Variants in NTM observed in about 807,000 individuals in gnomAD.
NTM encodes neurotrimin.
In NTM, 13 loss-of-function variants were observed where a neutral mutation model predicts 42.1. The observed-to-expected ratio is 0.31, with a 90% confidence interval of 0.20 to 0.49. The LOEUF is 0.49. NTM is among the 20% of genes least tolerant of loss of function. The pLI, the probability that NTM is intolerant of heterozygous loss-of-function variation, is 0.99. For synonymous variants in NTM, 187 were observed against 179.2 expected (o/e 1.04, Z -0.35); for missense variants, 373 against 452.8 (o/e 0.82, Z 1.60).
At chr11:131,902,049 T>G (rs549344850) in intron 1 of NTM, among the ~76,000 whole-genome samples, 2 of 152,304 alleles carry the variant, frequency 1.3e-5, no homozygotes, top group Admixed American at 1.3e-4. Flanking sequence ...ATTACTTTAT[T>G]TAGAAAGGCC....
chr11:131,424,586 A>ATTTCT lies in NTM; in HGVS notation c.82+53712_82+53716dup, dbSNP rs1180335292. ...GTTTGCAATTGCTTAGTTGTTTTTT[A>ATTTCT]TTTCTTTTCTTTTCTTTTTTTTTTT... On this transcript the variant is annotated intron_variant, in intron 1 of 8. Transcript: ENST00000683400. Among the ~76,000 whole-genome samples, 744 of 86,150 alleles carry ATTTCT rather than the reference A, an allele frequency of 8.6e-3. 7 individuals are homozygous for ATTTCT. Among genetic ancestry groups the ATTTCT allele is most frequent in the Middle Eastern group, 0.017 (3 of 176 alleles). The allele number at this position is 86,150 out of a possible 152,430, so 56.5% of individuals were successfully genotyped here.
chr11:132,305,076 T>A (rs567484259), intron 4 of NTM, among the ~76,000 whole-genome samples: 1 of 152,172 alleles, frequency 6.6e-6, no homozygotes. Context: ...CACAGAAAAC[T>A]GATGAGTTCT....
intron 2 of NTM, among the ~76,000 whole-genome samples, chr11:131,923,055 C>T (rs1255526813): frequency 7.2e-6 from 1 of 138,420 alleles, no homozygotes; most frequent in Non-Finnish European, 1.6e-5. Flanking sequence ...ACTCCAGTAC[C>T]CCGTTTAAAA....
chr11:132,265,184 T>C (rs1267013488), intron 4 of NTM, among the ~76,000 whole-genome samples: 1 of 152,166 alleles, frequency 6.6e-6, no homozygotes, highest in African/African-American at 2.4e-5. Context: ...TCTTAATTTG[T>C]ATGGTGGTTC....
In NTM at chr11:132,086,323, C is replaced by CAAAA. The variant is rs71067358; in HGVS notation, c.168-59944_168-59941dup. Reference sequence around the variant, plus strand: ...TGGATGACAGAGCAAGACTCCATGTCAAAAAAAAAAAAAAAAAATAGTGGC... The same window carrying CAAAA: ...TGGATGACAGAGCAAGACTCCATGTCAAAAAAAAAAAAAAAAAAAAAATAGTGGC... On this transcript the variant is annotated intron_variant, in intron 2 of 8. Coordinates refer to ENST00000683400, the MANE Select transcript of NTM (RefSeq NM_001352005.2). 1.2e-3 allele frequency among the ~76,000 whole-genome samples: 123 copies of CAAAA among 98,966 alleles called. 3 individuals are homozygous for CAAAA. The highest frequency in any genetic ancestry group is 3.2e-3 in the African/African-American group (88 of 27,564). 64.9% of individuals were successfully genotyped at this position (98,966 alleles called of 152,430 possible).
chr11:132,312,840 T>C (rs1162490264), intron 6 of NTM: 1 of 154,222 alleles, frequency 6.5e-6, no homozygotes. Context: ...AAGCTGGAAA[T>C]GTAAAAGTGG....
chr11:131,384,717 G>T (rs918078277), intron 1 of NTM, among the ~76,000 whole-genome samples: 7 of 152,248 alleles, frequency 4.6e-5, no homozygotes, highest in Non-Finnish European at 1.0e-4. Context: ...AAGAAGTCTT[G>T]AAAAGAAGAA....
At chr11:131,855,207 C>T (rs543823032) in intron 1 of NTM, among the ~76,000 whole-genome samples, 4 of 152,080 alleles carry the variant, frequency 2.6e-5, no homozygotes, top group South Asian at 2.1e-4. Context: ...GCAGGTAGTA[C>T]GTACAAGAAA....
intron 1 of NTM, among the ~76,000 whole-genome samples, chr11:131,853,088 T>C (rs2045751819): frequency 1.3e-5 from 2 of 149,652 alleles, no homozygotes; most frequent in Admixed American, 1.3e-4. Flanking sequence ...AGGAAGAGAG[T>C]CAATCTACAA....
chr11:131,913,959 C>A (rs2055788361), intron 2 of NTM, among the ~76,000 whole-genome samples: 1 of 152,140 alleles, frequency 6.6e-6, no homozygotes, highest in African/African-American at 2.4e-5. Context: ...GTGTAACAAG[C>A]AACCAGTATG....
chr11:131,756,348 C>T (rs912823667), intron 1 of NTM, among the ~76,000 whole-genome samples: 16 of 152,018 alleles, frequency 1.1e-4, no homozygotes, highest in African/African-American at 3.9e-4. Flanking sequence ...TTTTGGGAGG[C>T]CAAGGCAAGA....
chr11:131,868,610 C>T (rs185168259), intron 1 of NTM, among the ~76,000 whole-genome samples: 3 of 152,208 alleles, frequency 2.0e-5, no homozygotes, highest in Non-Finnish European at 4.4e-5. Context: ...CCTCCCTCTT[C>T]GAGAGCCAAA....
intron 2 of NTM, among the ~76,000 whole-genome samples, chr11:131,923,752 T>C (rs1476270051): frequency 6.6e-6 from 1 of 152,220 alleles, no homozygotes; most frequent in Admixed American, 6.5e-5. Context: ...TCATTCAATG[T>C]CCAATCTTTC....
At chr11:131,999,033 A>T (rs141777040) in intron 2 of NTM, among the ~76,000 whole-genome samples, 3 of 152,144 alleles carry the variant, frequency 2.0e-5, no homozygotes, top group Admixed American at 1.3e-4. Flanking sequence ...ACTCAGCCCC[A>T]GCTGAACTGC....
chr11:131,919,660 C>T (rs1279406929), intron 2 of NTM, among the ~76,000 whole-genome samples: 3 of 152,196 alleles, frequency 2.0e-5, no homozygotes, highest in South Asian at 4.1e-4. Context: ...TATTACCCAT[C>T]TCACAGTGTT....
At chr11:131,543,714 C>T (rs1365559471) in intron 1 of NTM, among the ~76,000 whole-genome samples, 1 of 152,200 alleles carries the variant, frequency 6.6e-6, no homozygotes, top group Non-Finnish European at 1.5e-5. Context: ...CAGGTTCGAG[C>T]GCTCTCCCTT....
In NTM at chr11:131,372,376, T is replaced by A. The variant is rs1430329560; in HGVS notation, c.82+1488T>A. 2.0e-5 allele frequency among the ~76,000 whole-genome samples: 3 copies of A among 152,122 alleles called. No homozygotes were observed. In the East Asian group the frequency reaches 5.8e-4, roughly 29 times the overall value. On this transcript the variant is annotated intron_variant, in intron 1 of 8. Transcript: ENST00000683400. ...GTCCCCTAGGGGCTTTGGTGGGTGT[T>A]TGAGTGAAGGGAATCAACTTGGAGG... is the stretch of plus-strand genomic sequence containing the variant.
intron 1 of NTM, among the ~76,000 whole-genome samples, chr11:131,623,345 T>G (rs967119914): frequency 1.2e-4 from 19 of 152,218 alleles, no homozygotes; most frequent in African/African-American, 4.3e-4. Flanking sequence ...GAGAAAGATT[T>G]GCACCCAGTA....
chr11:131,524,165 T>C (rs2050143390), intron 1 of NTM, among the ~76,000 whole-genome samples: 1 of 152,234 alleles, frequency 6.6e-6, no homozygotes, highest in African/African-American at 2.4e-5. Flanking sequence ...GTGACTGGGC[T>C]GGTCTAGGGG....
Sources: gnomAD v4.1 joint callset for allele counts (sites outside exome capture counted in the v4.1 genomes callset) on GRCh38, gnomAD v4.1.1 for gene constraint, MANE v1.5 for transcripts, NCBI Gene and HGNC (gene_info 2026-07-23, HGNC 2026-07-21) for gene names.